The following CADM2 variants were observed in gnomAD, a reference collection of about 807,000 sequenced individuals.
CADM2 encodes the protein immunoglobulin superfamily member 4D.
A neutral mutation model predicts 49.8 loss-of-function variants in CADM2; 12 were observed. That is an observed-to-expected ratio of 0.24 (90% CI 0.15 to 0.39). The LOEUF (loss-of-function observed/expected upper bound fraction) is 0.39, where lower values mean the gene tolerates loss of function less well. CADM2 is among the 10% of genes least tolerant of loss of function. CADM2 has a pLI of 1.00. For missense variants in CADM2, 378 were observed against 492.3 expected, an observed-to-expected ratio of 0.77 and a Z score of 2.20; for synonymous variants, 214 against 175.4, an observed-to-expected ratio of 1.22 and a Z score of -1.74.
intron 1 of CADM2, among the ~76,000 whole-genome samples, chr3:85,003,419 C>T (rs973708853): frequency 6.6e-6 from 1 of 151,884 alleles, no homozygotes; most frequent in Non-Finnish European, 1.5e-5. Context: ...TATGAAAAAG[C>T]TAGAAAAGTA....
At chr3:84,994,943 T>C (rs375984800) in intron 1 of CADM2, among the ~76,000 whole-genome samples, 5 of 151,926 alleles carry the variant, frequency 3.3e-5, no homozygotes, top group East Asian at 1.9e-4. Flanking sequence ...AGGAGAATCA[T>C]GTGAACCCGG....
intron 7 of CADM2, among the ~76,000 whole-genome samples, chr3:85,957,820 A>C (rs901143723): frequency 6.6e-6 from 1 of 151,950 alleles, no homozygotes; most frequent in African/African-American, 2.4e-5. Flanking sequence ...ATTAATTATA[A>C]AGAATATGAC....
intron 1 of CADM2, among the ~76,000 whole-genome samples, chr3:85,150,015 G>A (rs752673697): frequency 1.2e-4 from 18 of 152,296 alleles, no homozygotes; most frequent in Admixed American, 2.6e-4. Context: ...GTACACCAGC[G>A]TGTATATCCG....
At chr3:85,137,784 A>G (rs1050797012) in intron 1 of CADM2, among the ~76,000 whole-genome samples, 2 of 152,134 alleles carry the variant, frequency 1.3e-5, no homozygotes, top group Non-Finnish European at 1.5e-5. Flanking sequence ...ACCTGTAAGC[A>G]TTTGATATGG....
chr3:85,603,553 T>G (rs1159338864), intron 1 of CADM2, among the ~76,000 whole-genome samples: 1 of 151,856 alleles, frequency 6.6e-6, no homozygotes, highest in Admixed American at 6.6e-5. Context: ...ATTCTTTTTT[T>G]TCCCCAGGGG....
chr3:85,285,265 G>A (rs1343031945), intron 1 of CADM2, among the ~76,000 whole-genome samples: 1 of 152,068 alleles, frequency 6.6e-6, no homozygotes, highest in Non-Finnish European at 1.5e-5. Context: ...TGCAGATGTA[G>A]CTTTTGCAAT....
At chr3:85,166,051 T>C (rs1422533496) in intron 1 of CADM2, among the ~76,000 whole-genome samples, 2 of 151,792 alleles carry the variant, frequency 1.3e-5, no homozygotes, top group Non-Finnish European at 3.0e-5. Context: ...TGTAGTTCTT[T>C]AAAGCACAGG....
intron 2 of CADM2, among the ~76,000 whole-genome samples, chr3:85,746,479 T>G (rs1221387328): frequency 2.0e-5 from 3 of 152,164 alleles, no homozygotes; most frequent in Non-Finnish European, 2.9e-5. Context: ...ATAACTGCAT[T>G]TTTCTAAATT....
intron 1 of CADM2, among the ~76,000 whole-genome samples, chr3:85,215,293 A>G (rs1443096429): frequency 1.4e-5 from 2 of 143,800 alleles, no homozygotes; most frequent in Non-Finnish European, 3.0e-5. Context: ...TCAGGACTCT[A>G]CCTAGTGGCA....
At chr3:85,756,710 T>A (rs1305398787) in intron 2 of CADM2, among the ~76,000 whole-genome samples, 1 of 152,186 alleles carries the variant, frequency 6.6e-6, no homozygotes, top group African/African-American at 2.4e-5. Flanking sequence ...TCAAATTATC[T>A]CAGCATAGAT....
At chr3:85,315,942 T>A (rs182859584) in intron 1 of CADM2, among the ~76,000 whole-genome samples, 1 of 152,220 alleles carries the variant, frequency 6.6e-6, no homozygotes, top group African/African-American at 2.4e-5. Flanking sequence ...TAAAAGCACA[T>A]CAAGAAGGAA....
At chr3:85,502,669 AT>A (rs1337073331) in intron 1 of CADM2, among the ~76,000 whole-genome samples, 1 of 152,100 alleles carries the variant, frequency 6.6e-6, no homozygotes. Flanking sequence ...ACTCTGACAG[AT>A]TATGATGAAT....
Position 86,070,075 on chromosome 3 carries a change from A to T in CADM2, c.*3292A>T, listed in dbSNP as rs1048068945. ...TCCAAGAAGCAGTTTAAGGAACCTGATATTGGAGTTTAATCTAGAAACTGG... is the reference window on the plus strand; with the variant it reads ...TCCAAGAAGCAGTTTAAGGAACCTGTTATTGGAGTTTAATCTAGAAACTGG... On this transcript the variant is annotated 3_prime_UTR_variant, in exon 10 of 10. Coordinates refer to ENST00000383699, the MANE Select transcript of CADM2 (RefSeq NM_001167675.2). The T allele has an allele frequency of 1.3e-5, 2 of 151,968 alleles. No individual in the cohort carries two copies. The highest frequency in any genetic ancestry group is 4.8e-5 in the African/African-American group (2 of 41,428). The allele number at this position is 151,968 out of a possible 1,614,324, so 9.4% of individuals were successfully genotyped here.
intron 1 of CADM2, among the ~76,000 whole-genome samples, chr3:85,691,485 T>C (rs2066385533): frequency 6.6e-6 from 1 of 152,140 alleles, no homozygotes. Context: ...CCCTATAGGG[T>C]ACATTAAAAT....
intron 3 of CADM2, among the ~76,000 whole-genome samples, chr3:85,809,804 C>T (rs2072735812): frequency 7.5e-6 from 1 of 132,864 alleles, no homozygotes; most frequent in African/African-American, 2.8e-5. Context: ...TTCTTTCTTT[C>T]TTTCTTTCTG....
At chr3:86,054,120 G>A (rs150308091) in intron 8 of CADM2, among the ~76,000 whole-genome samples, 4 of 151,826 alleles carry the variant, frequency 2.6e-5, no homozygotes, top group Admixed American at 6.6e-5. Context: ...AGCAATCAGA[G>A]AACATCTATT....
chr3:85,663,797 TC>T (rs2065480564), intron 1 of CADM2, among the ~76,000 whole-genome samples: 1 of 152,012 alleles, frequency 6.6e-6, no homozygotes, highest in Non-Finnish European at 1.5e-5. Flanking sequence ...CATTCTCTCC[TC>T]CATATATTTA....
chr3:84,961,743 C>T (rs1479028703), intron 1 of CADM2, among the ~76,000 whole-genome samples: 1 of 152,170 alleles, frequency 6.6e-6, no homozygotes, highest in African/African-American at 2.4e-5. Flanking sequence ...TGTATTTTCC[C>T]TGCCAATCTG....
At chr3:85,988,375 T>G (rs905357383) in intron 8 of CADM2, among the ~76,000 whole-genome samples, 1 of 152,200 alleles carries the variant, frequency 6.6e-6, no homozygotes, top group Non-Finnish European at 1.5e-5. Flanking sequence ...GAAGCAGATT[T>G]TTCTGAATAC....
Sources: allele counts gnomAD v4.1 joint callset (sites outside exome capture counted in the v4.1 genomes callset), GRCh38; gene constraint gnomAD v4.1.1; transcripts MANE v1.5; gene names NCBI Gene and HGNC (gene_info 2026-07-23, HGNC 2026-07-21).